Variants in AGPAT3 observed in about 807,000 individuals in gnomAD.
The protein encoded by AGPAT3 is 1-acylglycerol-3-phosphate O-acyltransferase 3, also known as 1-acyl-sn-glycerol-3-phosphate acyltransferase gamma.
Under a neutral mutation model 47.3 loss-of-function variants are expected in AGPAT3, and 5 were observed. The observed-to-expected ratio is 0.11, with a 90% confidence interval of 0.06 to 0.22. The LOEUF is 0.22. Ranked by LOEUF, AGPAT3 falls within the 10% of genes least tolerant of loss-of-function variation. The pLI is 1.00. For missense variants in AGPAT3, 315 were observed against 493.0 expected (o/e 0.64, Z 3.42); for synonymous variants, 212 against 208.3 (o/e 1.02, Z -0.15).
In AGPAT3 at chr21:43,985,623, T is replaced by G. The variant is rs1260529751; in HGVS notation, c.*3231T>G. 3 of 224,372 alleles carry G rather than the reference T, an allele frequency of 1.3e-5. No homozygotes were observed. The East Asian group carries it at 3.8e-4, about 28-fold the overall frequency. 13.9% of individuals were successfully genotyped at this position (224,372 alleles called of 1,614,324 possible). A position where few individuals can be genotyped will look rare whatever the true frequency, so the allele number is the denominator to read the frequency against. Reference sequence around the variant, plus strand: ...GTTGCCAGGCTGTCCATGCCTGTTGTGACTACCGGTTGGGGTCAGATTTGG... The same window carrying G: ...GTTGCCAGGCTGTCCATGCCTGTTGGGACTACCGGTTGGGGTCAGATTTGG... On this transcript the variant is annotated 3_prime_UTR_variant, in exon 10 of 10. Transcript: ENST00000291572.
Position 43,985,462 on chromosome 21 carries a change from T to C in AGPAT3, c.*3070T>C. On this transcript the variant is annotated 3_prime_UTR_variant, in exon 10 of 10. Coordinates refer to ENST00000291572, the MANE Select transcript of AGPAT3 (RefSeq NM_020132.5). Reference sequence around the variant, plus strand: ...GTCTCTCTGCCTTGCCTGTCCCGACTCCCTTTCGCGCACCGTGGCATGAGA... The same window carrying C: ...GTCTCTCTGCCTTGCCTGTCCCGACCCCCTTTCGCGCACCGTGGCATGAGA... The C allele has an allele frequency of 6.2e-6, 2 of 321,250 alleles. No homozygotes were observed. The highest frequency in any genetic ancestry group is 2.5e-5 in the South Asian group (1 of 40,310). The allele number at this position is 321,250 out of a possible 1,614,324, so 19.9% of individuals were successfully genotyped here. A position where few individuals can be genotyped will look rare whatever the true frequency, so the allele number is the denominator to read the frequency against.
intron 2 of AGPAT3, among the ~76,000 whole-genome samples, chr21:43,915,613 T>C (rs954227718): frequency 6.6e-6 from 1 of 151,896 alleles, no homozygotes; most frequent in African/African-American, 2.4e-5. Flanking sequence ...GGTTTCTCCA[T>C]GTTGGCCAGG....
rs2085832553 is a variant in AGPAT3, at chr21:43,880,389, T to G, written c.-112+15044T>G. On this transcript the variant is annotated intron_variant, in intron 1 of 9. Coordinates refer to ENST00000291572, the MANE Select transcript of AGPAT3 (RefSeq NM_020132.5). The surrounding 1 kb of genome is among the most constrained non-coding windows in gnomAD (Gnocchi z 4.5). ...TCCTGGTCAGCCTGTTCTTGTCTTG[T>G]TCTGGTGCCACTTCCTCAGGTATGC... Among the ~76,000 whole-genome samples, 1 of 152,186 alleles carries G rather than the reference T, an allele frequency of 6.6e-6. No individual in the cohort carries two copies. Among genetic ancestry groups the G allele is most frequent in the Non-Finnish European group, 1.5e-5 (1 of 68,026 alleles).
At chr21:43,873,826 T>C (rs1020105660) in intron 1 of AGPAT3, among the ~76,000 whole-genome samples, 1 of 152,234 alleles carries the variant, frequency 6.6e-6, no homozygotes, top group African/African-American at 2.4e-5. Flanking sequence ...TCTTTTTTAT[T>C]AGTGTTCACA....
chr21:43,917,713 C>T (rs1226483154), intron 2 of AGPAT3, among the ~76,000 whole-genome samples: 3 of 151,786 alleles, frequency 2.0e-5, no homozygotes, highest in African/African-American at 7.3e-5. Flanking sequence ...CCGCATAACT[C>T]GTTTCGCTGC....
chr21:43,962,145 C>T (rs1405660009), intron 3 of AGPAT3, among the ~76,000 whole-genome samples: 1 of 151,908 alleles, frequency 6.6e-6, no homozygotes, highest in Non-Finnish European at 1.5e-5. Context: ...GGACTACAGG[C>T]ACCCGCCACC....
At chr21:43,915,680 G>A (rs1044053631) in intron 2 of AGPAT3, among the ~76,000 whole-genome samples, 5 of 151,966 alleles carry the variant, frequency 3.3e-5, no homozygotes, top group Admixed American at 2.0e-4. Flanking sequence ...CCAGAGTGCT[G>A]GGATTACAGG....
intron 1 of AGPAT3, among the ~76,000 whole-genome samples, chr21:43,891,686 G>A (rs2145933098): frequency 1.3e-5 from 2 of 150,900 alleles, no homozygotes; most frequent in South Asian, 4.2e-4. Context: ...TGATCATGAG[G>A]TGGCAATAAT....
At chr21:43,889,007 CT>C (rs1048276538) in intron 1 of AGPAT3, among the ~76,000 whole-genome samples, 1 of 151,826 alleles carries the variant, frequency 6.6e-6, no homozygotes, top group Non-Finnish European at 1.5e-5. Flanking sequence ...AACAAAGTTT[CT>C]TATTGATTTT....
intron 1 of AGPAT3, among the ~76,000 whole-genome samples, chr21:43,887,538 G>A (rs1346301183): frequency 6.6e-6 from 1 of 152,240 alleles, no homozygotes; most frequent in Non-Finnish European, 1.5e-5. Context: ...GTGCTATGAT[G>A]TCTGGAAGTA....
Position 43,922,731 on chromosome 21 carries a change from C to A in AGPAT3, c.-49+18712C>A, listed in dbSNP as rs2146204380. 6.6e-6 allele frequency among the ~76,000 whole-genome samples: 1 copy of A among 151,938 alleles called. No homozygotes were observed. The highest frequency in any genetic ancestry group is 1.5e-5 in the Non-Finnish European group (1 of 68,002). On this transcript the variant is annotated intron_variant, in intron 2 of 9. Transcript: ENST00000291572. This position sits in a 1 kb window ranked among gnomAD's most constrained non-coding sequence, Gnocchi z 4.9. ...TGTGGCTCAGGAGCCATGTGCCAGG[C>A]AGGGCACTCCGTCAGTGTAGGGTCT...
At chr21:43,912,147 G>A (rs1375605015) in intron 2 of AGPAT3, among the ~76,000 whole-genome samples, 1 of 152,238 alleles carries the variant, frequency 6.6e-6, no homozygotes, top group Non-Finnish European at 1.5e-5. Context: ...ATGTGAATTG[G>A]AATCAGGAGG....
At chr21:43,874,298 T>A (rs1388275853) in intron 1 of AGPAT3, among the ~76,000 whole-genome samples, 2 of 152,244 alleles carry the variant, frequency 1.3e-5, no homozygotes, top group African/African-American at 4.8e-5. Context: ...AGTGCTGGGA[T>A]TACAGGCATG....
intron 1 of AGPAT3, chr21:43,867,506 C>G (rs1038809504): frequency 2.0e-5 from 3 of 152,340 alleles, no homozygotes; most frequent in African/African-American, 7.2e-5. Context: ...CGCTTAGGCT[C>G]TCACATTGCA....
chr21:43,950,519 C>T (rs780724471), intron 2 of AGPAT3, among the ~76,000 whole-genome samples: 1 of 152,240 alleles, frequency 6.6e-6, no homozygotes, highest in African/African-American at 2.4e-5. Context: ...GTAGTATCTT[C>T]GCTGCTTACC....
At chr21:43,965,602 AG>A (rs2089080269) in intron 3 of AGPAT3, 1 of 143,644 alleles carries the variant, frequency 7.0e-6, no homozygotes. Context: ...GGTGAATTTT[AG>A]GTTTTTTTTG....
chr21:43,974,364 GGT>G (rs1173374757), intron 7 of AGPAT3, among the ~76,000 whole-genome samples: 7 of 151,466 alleles, frequency 4.6e-5, no homozygotes, highest in African/African-American at 9.7e-5. Context: ...ATATGTGTAT[GGT>G]GTGTGTGATG....
intron 2 of AGPAT3, among the ~76,000 whole-genome samples, chr21:43,956,984 G>A (rs1022128030): frequency 6.6e-6 from 1 of 152,182 alleles, no homozygotes; most frequent in African/African-American, 2.4e-5. Context: ...ACCTTTCGAG[G>A]GGAGGAGCGA....
intron 2 of AGPAT3, among the ~76,000 whole-genome samples, chr21:43,937,562 T>G (rs1260243262): frequency 6.6e-6 from 1 of 152,148 alleles, no homozygotes; most frequent in African/African-American, 2.4e-5. Context: ...GAGTTTTTTT[T>G]GTTTTGTTTT....
Sources: allele counts gnomAD v4.1 joint callset (sites outside exome capture counted in the v4.1 genomes callset), GRCh38; gene constraint gnomAD v4.1.1; non-coding constraint Gnocchi (gnomAD v3.1); transcripts MANE v1.5; gene names NCBI Gene and HGNC (gene_info 2026-07-23, HGNC 2026-07-21).